DNAH7: variants seen among roughly 807,000 people sequenced by gnomAD.
The protein encoded by DNAH7 is axonemal beta dynein heavy chain 7.
DNAH7 carries 397 observed loss-of-function variants against 444.6 expected under a neutral mutation model. That is an observed-to-expected ratio of 0.89 (90% CI 0.82 to 0.97). The LOEUF is 0.97. Among genes scored for constraint, DNAH7 ranks in the 50% least tolerant of loss-of-function variants. The pLI is 0.00. For missense variants in DNAH7, 4,902 were observed against 4,800.8 expected, an observed-to-expected ratio of 1.02 and a Z score of -0.62; for synonymous variants, 1,636 against 1,624.4, an observed-to-expected ratio of 1.01 and a Z score of -0.17.
intron 19 of DNAH7, among the ~76,000 whole-genome samples, chr2:195,945,469 GA>G: frequency 6.6e-6 from 1 of 152,114 alleles, no homozygotes; most frequent in African/African-American, 2.4e-5. Context: ...ATGTGTTCAC[GA>G]TCTTCCTTGA....
intron 7 of DNAH7, among the ~76,000 whole-genome samples, chr2:196,025,033 G>A (rs1395202222): frequency 6.6e-6 from 1 of 152,202 alleles, no homozygotes; most frequent in African/African-American, 2.4e-5. Flanking sequence ...CATGTACATT[G>A]TATGAGGTAG....
chr2:195,949,770 C>T (rs1206862851), intron 19 of DNAH7, among the ~76,000 whole-genome samples: 1 of 152,110 alleles, frequency 6.6e-6, no homozygotes, highest in Non-Finnish European at 1.5e-5. Flanking sequence ...TTTTGAGATA[C>T]GTTCCATAAA....
In DNAH7 at chr2:195,737,932, G is replaced by GTTGAC; in HGVS notation, c.12059_12063dup (p.Leu4022ValfsTer21). On this transcript the variant is annotated frameshift_variant, in exon 65 of 65. Coordinates refer to ENST00000312428, the MANE Select transcript of DNAH7 (RefSeq NM_018897.3). LOFTEE classifies it high-confidence loss of function. ...ATGATGTCTTCTGGTTATGAATTAA[G>GTTGAC]TTGACATAACAGTGCTACACCTCGT... 6.2e-7 allele frequency: 1 copy of GTTGAC among 1,613,850 alleles called. No individual in the cohort carries two copies. The highest frequency in any genetic ancestry group is 1.1e-5 in the South Asian group (1 of 91,060).
At chr2:196,001,308 T>C (rs1694020528) in intron 11 of DNAH7, among the ~76,000 whole-genome samples, 1 of 152,186 alleles carries the variant, frequency 6.6e-6, no homozygotes, top group Admixed American at 6.5e-5. Context: ...TTATGTGAAT[T>C]TTCACTAATC....
At position 195,783,933 on chromosome 2, in the gene DNAH7, A is replaced by G. The variant is rs145584042; in HGVS notation, c.10878+3077T>C. On this transcript the variant is annotated intron_variant, in intron 58 of 64. Coordinates refer to ENST00000312428, the MANE Select transcript of DNAH7 (RefSeq NM_018897.3). ...ATTTGTACTTTTTTTTTTTAAGACT[A>G]TTTTTAAAGAACAGTTTTAGGTTCA... 3.1e-3 allele frequency among the ~76,000 whole-genome samples: 464 copies of G among 152,012 alleles called. 3 individuals carry two copies. The highest frequency in any genetic ancestry group is 0.011 in the African/African-American group (445 of 41,460).
rs750709358 is a variant in DNAH7 at position 195,740,782 on chromosome 2, TA to T, written c.11851del (p.Tyr3951MetfsTer6). ...KLAESHPKIL[Y>X]DTVPVMWLKP... Reference sequence around the variant, plus strand: ...TTTACTAACCACAGGCACTGTATCATAAAGAATTTTGGGATGCGATTCTGCA... The same window carrying T: ...TTTACTAACCACAGGCACTGTATCATAAGAATTTTGGGATGCGATTCTGCA... On this transcript the variant is annotated frameshift_variant, in exon 64 of 65. Transcript: ENST00000312428. LOFTEE classifies it low-confidence loss of function (END_TRUNC). 3.2e-6 allele frequency: 5 copies of T among 1,544,904 alleles called. No homozygotes were observed. The highest frequency in any genetic ancestry group is 4.4e-6 in the Non-Finnish European group (5 of 1,144,282).
chr2:195,775,123 T>C (rs1379043248), intron 60 of DNAH7, among the ~76,000 whole-genome samples: 1 of 152,212 alleles, frequency 6.6e-6, no homozygotes, highest in Non-Finnish European at 1.5e-5. Flanking sequence ...TGAATTGTGA[T>C]AAACCCAATC....
chr2:195,816,943 T>C lies in DNAH7; in HGVS notation c.9446A>G (p.Asp3149Gly). The C allele has an allele frequency of 6.3e-7, 1 of 1,592,692 alleles. No individual in the cohort carries two copies. The highest frequency in any genetic ancestry group is 8.5e-7 in the Non-Finnish European group (1 of 1,171,560). The change falls in exon 51 of 65, where the codon GAC becomes GGC. Residue 3149 changes from aspartate to glycine, a missense_variant. Transcript: ENST00000312428. ...ENKRQLKEIE[D>G]KILEVLSSSE... ...AGATGAAAGAACTTCTAAAATCTTGTCTTCTATTTCTTTTAACTGCCTGGA... is the reference window on the plus strand; with the variant it reads ...AGATGAAAGAACTTCTAAAATCTTGCCTTCTATTTCTTTTAACTGCCTGGA...
intron 62 of DNAH7, among the ~76,000 whole-genome samples, chr2:195,755,138 A>G (rs1474255873): frequency 1.3e-5 from 2 of 152,232 alleles, no homozygotes; most frequent in Non-Finnish European, 2.9e-5. Context: ...AGAAGAAGAG[A>G]TCCCCATAAA....
chr2:195,856,425 G>A (rs1035542403), intron 44 of DNAH7, among the ~76,000 whole-genome samples: 10 of 152,018 alleles, frequency 6.6e-5, no homozygotes, highest in African/African-American at 2.4e-4. Flanking sequence ...GGTAATAAAA[G>A]GAATTATATA....
At chr2:195,806,102 T>C (rs1696694693) in intron 54 of DNAH7, among the ~76,000 whole-genome samples, 1 of 88,308 alleles carries the variant, frequency 1.1e-5, no homozygotes, top group African/African-American at 4.3e-5. Flanking sequence ...ACATAGCTAA[T>C]GTCTATTTTT....
chr2:195,740,684 CA>C (rs1207375677), intron 64 of DNAH7, 81 bp downstream of exon 64: 1 of 317,082 alleles, frequency 3.2e-6, no homozygotes, highest in African/African-American at 2.6e-5. Context: ...TATATACACA[CA>C]ATATGGGGTC....
In DNAH7 at chr2:195,799,183, T is replaced by A. The variant is rs866008662; in HGVS notation, c.10353+113A>T. The A allele has an allele frequency of 1.1e-4, 109 of 956,820 alleles. No homozygotes were observed. The Middle Eastern group carries it at 3.4e-3, about 30-fold the overall frequency. 59.3% of individuals were successfully genotyped at this position (956,820 alleles called of 1,614,324 possible). A position where few individuals can be genotyped will look rare whatever the true frequency, so the allele number is the denominator to read the frequency against. On this transcript the variant is annotated intron_variant, in intron 55 of 64. Transcript: ENST00000312428. Reference sequence around the variant, plus strand: ...TGGGATTCTGTCAACTTGTGATAACTTTCAAAGGTTGAATGACAAATTTCT... The same window carrying A: ...TGGGATTCTGTCAACTTGTGATAACATTCAAAGGTTGAATGACAAATTTCT...
intron 19 of DNAH7, among the ~76,000 whole-genome samples, chr2:195,945,202 A>G (rs1368485191): frequency 6.6e-6 from 1 of 152,176 alleles, no homozygotes; most frequent in African/African-American, 2.4e-5. Context: ...TAAAGTGATT[A>G]CAAAATCACT....
At chr2:196,051,026 A>G (rs1697432446) in intron 3 of DNAH7, among the ~76,000 whole-genome samples, 161 bp downstream of exon 3, 1 of 152,246 alleles carries the variant, frequency 6.6e-6, no homozygotes, top group Non-Finnish European at 1.5e-5. Context: ...TGGTTACTTT[A>G]CTAAGATAGT....
intron 40 of DNAH7, among the ~76,000 whole-genome samples, chr2:195,867,086 T>A (rs977301193): frequency 6.6e-6 from 1 of 152,222 alleles, no homozygotes; most frequent in Non-Finnish European, 1.5e-5. Context: ...CTCGGGTATG[T>A]CTTTATCAGC....
chr2:195,972,132 T>C (rs1691886353), intron 16 of DNAH7, 110 bp downstream of exon 16: 2 of 816,882 alleles, frequency 2.4e-6, no homozygotes, highest in Admixed American at 5.5e-5. Flanking sequence ...CATTATAGTA[T>C]GAGAAAGCTA....
intron 63 of DNAH7, among the ~76,000 whole-genome samples, chr2:195,752,201 G>A (rs1693834059): frequency 6.6e-6 from 1 of 151,734 alleles, no homozygotes; most frequent in African/African-American, 2.4e-5. Context: ...GGCCCAGGAG[G>A]TCAAGGCTGC....
intron 5 of DNAH7, among the ~76,000 whole-genome samples, chr2:196,043,464 A>G (rs1312026573): frequency 6.6e-6 from 1 of 152,216 alleles, no homozygotes; most frequent in Non-Finnish European, 1.5e-5. Flanking sequence ...TAAAAATTCT[A>G]GAAGATTACA....
Sources: allele counts gnomAD v4.1 joint callset (sites outside exome capture counted in the v4.1 genomes callset), GRCh38; gene constraint gnomAD v4.1.1; transcripts MANE v1.5; gene names NCBI Gene and HGNC (gene_info 2026-07-23, HGNC 2026-07-21).